The following AMMECR1 variants were observed in gnomAD, a reference collection of about 807,000 sequenced individuals.
AMMECR1 encodes nuclear protein AMMECR1.
Under a neutral mutation model 22.5 loss-of-function variants are expected in AMMECR1, and 3 were observed. The ratio of observed to expected loss-of-function variants is 0.13; its 90% CI spans 0.06 to 0.35. The LOEUF (loss-of-function observed/expected upper bound fraction) is 0.35. AMMECR1 is among the 10% of genes least tolerant of loss of function. The pLI is 1.00. For synonymous variants in AMMECR1, 130 were observed against 116.7 expected, an observed-to-expected ratio of 1.11 and a Z score of -0.74; for missense variants, 235 against 278.7, an observed-to-expected ratio of 0.84 and a Z score of 1.12.
chrX:110,361,177 C>G (rs1443291110), intron 2 of AMMECR1, among the ~76,000 whole-genome samples: 1 of 111,241 alleles, frequency 9.0e-6, no homozygotes, highest in African/African-American at 3.3e-5. Flanking sequence ...TCCCTAAATA[C>G]CAATTTCATT....
At chrX:110,365,930 C>T (rs1201027932) in intron 2 of AMMECR1, among the ~76,000 whole-genome samples, 2 of 111,762 alleles carry the variant, frequency 1.8e-5, no homozygotes, top group Non-Finnish European at 3.8e-5. Flanking sequence ...AATATAACAT[C>T]AGGAAACTTC....
At chrX:110,402,214 G>A (rs1354605390) in intron 2 of AMMECR1, among the ~76,000 whole-genome samples, 1 of 113,099 alleles carries the variant, frequency 8.8e-6, no homozygotes, top group Non-Finnish European at 1.9e-5. Context: ...GAAGACAAGA[G>A]CTGCCTTGGC....
chrX:110,356,476 G>A (rs2068231033), intron 2 of AMMECR1, among the ~76,000 whole-genome samples: 1 of 110,717 alleles, frequency 9.0e-6, no homozygotes, highest in African/African-American at 3.3e-5. Context: ...AACTTTTAGT[G>A]ATGTATTGCA....
chrX:110,404,289 A>G (rs1225963661), intron 2 of AMMECR1, among the ~76,000 whole-genome samples: 6 of 111,381 alleles, frequency 5.4e-5, no homozygotes, highest in African/African-American at 2.0e-4. Flanking sequence ...CTGTCTTCTG[A>G]AGTCTTTACA....
intron 2 of AMMECR1, among the ~76,000 whole-genome samples, chrX:110,357,436 A>G (rs760419118): frequency 1.8e-5 from 2 of 112,424 alleles, no homozygotes; most frequent in South Asian, 7.3e-4. Context: ...ATGAAATGCA[A>G]GCACACTCAT....
At chrX:110,328,997 T>G (rs1036635842) in intron 2 of AMMECR1, among the ~76,000 whole-genome samples, 4 of 112,670 alleles carry the variant, frequency 3.6e-5, no homozygotes, top group Non-Finnish European at 7.5e-5. Flanking sequence ...ATGGGATTGC[T>G]CAGTCAAATG....
At chrX:110,417,480 ATT>A (rs371569472) in intron 2 of AMMECR1, among the ~76,000 whole-genome samples, 2 of 108,568 alleles carry the variant, frequency 1.8e-5, no homozygotes, top group African/African-American at 6.7e-5. Context: ...GCAAATGAGC[ATT>A]TTTTTTTTAT....
At chrX:110,318,559 C>T (rs934837927), upstream of AMMECR1, among the ~76,000 whole-genome samples, 7 of 110,383 alleles carry the variant, frequency 6.3e-5, no homozygotes, top group African/African-American at 2.3e-4. Context: ...CTCAGTAACC[C>T]CCCGCCGCAA....
At chrX:110,201,742 G>A (rs1198930780) in intron 4 of AMMECR1, among the ~76,000 whole-genome samples, 2 of 111,501 alleles carry the variant, frequency 1.8e-5, no homozygotes, top group African/African-American at 3.3e-5. Flanking sequence ...AGACAAACAC[G>A]GGAAAACCAA....
intron 2 of AMMECR1, among the ~76,000 whole-genome samples, chrX:110,372,410 G>T (rs2068345511): frequency 8.9e-6 from 1 of 112,170 alleles, no homozygotes; most frequent in East Asian, 2.8e-4. Flanking sequence ...AATGGTTTTT[G>T]TTGTGCATCC....
intron 2 of AMMECR1, chrX:110,347,039 G>T: frequency 2.3e-6 from 1 of 436,654 alleles, no homozygotes; most frequent in Non-Finnish European, 4.2e-6. Context: ...ATACATTGAT[G>T]ATACAAACTT....
intron 2 of AMMECR1, among the ~76,000 whole-genome samples, chrX:110,369,277 A>G (rs1390502652): frequency 9.0e-6 from 1 of 111,671 alleles, no homozygotes; most frequent in Non-Finnish European, 1.9e-5. Flanking sequence ...GGTTGCAGTG[A>G]GCAGAGATGG....
intron 1 of AMMECR1, among the ~76,000 whole-genome samples, chrX:110,292,557 G>A (rs955997074): frequency 8.9e-6 from 1 of 112,406 alleles, no homozygotes; most frequent in Non-Finnish European, 1.9e-5. Flanking sequence ...ATCAAGCCAT[G>A]AAAAGATGGA....
At chrX:110,334,891 G>A (rs2068135174) in intron 2 of AMMECR1, among the ~76,000 whole-genome samples, 1 of 111,276 alleles carries the variant, frequency 9.0e-6, no homozygotes, top group African/African-American at 3.3e-5. Context: ...CTTATAACCT[G>A]AGAGTGTCTG....
intron 1 of AMMECR1, among the ~76,000 whole-genome samples, chrX:110,290,776 A>T (rs2067903880): frequency 9.0e-6 from 1 of 111,405 alleles, no homozygotes. Context: ...CTTATTGAAC[A>T]TGAGTGTACA....
chrX:110,238,407 C>G (rs2067612779), intron 2 of AMMECR1, among the ~76,000 whole-genome samples: 1 of 112,110 alleles, frequency 8.9e-6, no homozygotes, highest in East Asian at 2.8e-4. Flanking sequence ...CGGTTTTCCC[C>G]TCACAGTGTA....
exon 2 of AMMECR1, chrX:110,426,689 C>A (rs1055080894): frequency 8.9e-6 from 1 of 111,887 alleles, no homozygotes; most frequent in Non-Finnish European, 1.9e-5. Flanking sequence ...AGGCTTCATA[C>A]CTGGAGCTCG....
intron 2 of AMMECR1, among the ~76,000 whole-genome samples, chrX:110,255,693 C>T (rs1419331155): frequency 9.0e-6 from 1 of 111,384 alleles, no homozygotes; most frequent in Non-Finnish European, 1.9e-5. Context: ...TTCTAACTTT[C>T]TCTTTCACTA....
intron 2 of AMMECR1, among the ~76,000 whole-genome samples, chrX:110,255,092 T>A (rs1173665613): frequency 8.9e-6 from 1 of 112,536 alleles, no homozygotes; most frequent in Non-Finnish European, 1.9e-5. Context: ...TCTTCGGGAT[T>A]TGTCAATTTT....
Sources: allele counts gnomAD v4.1 joint callset (sites outside exome capture counted in the v4.1 genomes callset), GRCh38; gene constraint gnomAD v4.1.1; transcripts MANE v1.5; gene names NCBI Gene and HGNC (gene_info 2026-07-23, HGNC 2026-07-21).